Variants in TIMM23B observed in about 807,000 individuals in gnomAD.
The protein encoded by TIMM23B is translocase of inner mitochondrial membrane 23 homolog B.
In TIMM23B, 27 loss-of-function variants were observed where a neutral mutation model predicts 27.3. That is an observed-to-expected ratio of 0.99 (90% CI 0.73 to 1.36). TIMM23B has a LOEUF of 1.36. TIMM23B is among the 40% of genes most tolerant of loss of function. The pLI, the probability that TIMM23B is intolerant of heterozygous loss-of-function variation, is 0.00. For missense variants in TIMM23B, 205 were observed against 244.2 expected (o/e 0.84, Z 1.07); for synonymous variants, 73 against 92.4 (o/e 0.79, Z 1.21).
At chr10:49,967,497 G>A (rs1361205566) in intron 6 of TIMM23B, among the ~76,000 whole-genome samples, 8 of 150,090 alleles carry the variant, frequency 5.3e-5, no homozygotes, top group Non-Finnish European at 8.9e-5. Flanking sequence ...TCAGTGTTTC[G>A]AGTTATTAAG....
At chr10:49,960,249 CTA>C (rs1438058668) in intron 6 of TIMM23B, among the ~76,000 whole-genome samples, 3 of 150,058 alleles carry the variant, frequency 2.0e-5, no homozygotes, top group African/African-American at 7.4e-5. Context: ...TGGGGTCTCA[CTA>C]TGTTGCCCAG....
intron 6 of TIMM23B, among the ~76,000 whole-genome samples, chr10:49,961,568 C>G (rs1839910355): frequency 6.6e-6 from 1 of 151,480 alleles, no homozygotes; most frequent in Non-Finnish European, 1.5e-5. Context: ...TTACTTATCT[C>G]TTCCAGGCAA....
Position 49,952,430 on chromosome 10 carries a change from A to G in TIMM23B, c.260-19A>G. 1 of 1,612,196 alleles carries G rather than the reference A, an allele frequency of 6.2e-7. No homozygotes were observed. Among genetic ancestry groups the G allele is most frequent in the South Asian group, 1.1e-5 (1 of 90,660 alleles). On this transcript the variant is annotated intron_variant, in intron 3 of 6. Coordinates refer to ENST00000651259, the MANE Select transcript of TIMM23B (RefSeq NM_001290117.2). ...AATATAAAGCTGTCTTATCTGGGTG[A>G]ATTTTTATGATTTACCAGGGGCTGC...
At chr10:49,950,603 C>T (rs1344126696) in intron 2 of TIMM23B, among the ~76,000 whole-genome samples, 32 of 145,200 alleles carry the variant, frequency 2.2e-4, no homozygotes, top group Non-Finnish European at 3.0e-4. Context: ...AGTGCAGTGG[C>T]GTGATCTCAG....
intron 2 of TIMM23B, among the ~76,000 whole-genome samples, chr10:49,945,644 A>G (rs1839331523): frequency 6.6e-6 from 1 of 152,174 alleles, no homozygotes; most frequent in Non-Finnish European, 1.5e-5. Flanking sequence ...CTCAGTTTAC[A>G]ATATCAGGGT....
chr10:49,964,519 A>G (rs1366503189), intron 6 of TIMM23B, among the ~76,000 whole-genome samples: 1 of 152,142 alleles, frequency 6.6e-6, no homozygotes, highest in African/African-American at 2.4e-5. Flanking sequence ...GGCGCACTCC[A>G]GCCTGGGCAA....
chr10:49,964,548 C>CGAAAT (rs1262315781), intron 6 of TIMM23B, among the ~76,000 whole-genome samples: 47 of 146,504 alleles, frequency 3.2e-4, no homozygotes, highest in Non-Finnish European at 4.9e-4. Flanking sequence ...GTCTCCGTCT[C>CGAAAT]GAAATGAAAT....
chr10:49,959,631 C>T (rs1303641742), intron 6 of TIMM23B, among the ~76,000 whole-genome samples: 2 of 152,136 alleles, frequency 1.3e-5, no homozygotes, highest in Non-Finnish European at 2.9e-5. Flanking sequence ...AATCCACATA[C>T]TTGATTTTTT....
chr10:49,943,843 ATAAG>A (rs1411869827), intron 1 of TIMM23B, among the ~76,000 whole-genome samples: 19 of 149,550 alleles, frequency 1.3e-4, no homozygotes, highest in African/African-American at 4.7e-4. Flanking sequence ...GCCTTTAGTG[ATAAG>A]TGCTGTAAAG....
At chr10:49,957,631 G>C (rs1392687928) in intron 5 of TIMM23B, among the ~76,000 whole-genome samples, 1 of 152,098 alleles carries the variant, frequency 6.6e-6, no homozygotes. Flanking sequence ...GGCCCTGAGT[G>C]CAGGAGCTTT....
chr10:49,973,180 T>C lies in TIMM23B; in HGVS notation c.*116T>C. 1 of 607,478 alleles carries C rather than the reference T, an allele frequency of 1.6e-6. No homozygotes were observed. Among genetic ancestry groups the C allele is most frequent in the Non-Finnish European group, 2.9e-6 (1 of 343,032 alleles). The allele number at this position is 607,478 out of a possible 1,614,324, so 37.6% of individuals were successfully genotyped here. On this transcript the variant is annotated 3_prime_UTR_variant, in exon 7 of 7. Transcript: ENST00000651259. ...CTGACATTTTAACCACCTCTGACTT[T>C]TCCATGGAATGGACAAGTAGTAGTC...
chr10:49,951,260 G>C (rs1338935806), intron 2 of TIMM23B, among the ~76,000 whole-genome samples: 9 of 152,160 alleles, frequency 5.9e-5, no homozygotes, highest in Non-Finnish European at 1.3e-4. Context: ...GGATGTAGGA[G>C]AATGTTAATT....
At chr10:49,963,682 A>T (rs1840003587) in intron 6 of TIMM23B, among the ~76,000 whole-genome samples, 1 of 152,002 alleles carries the variant, frequency 6.6e-6, no homozygotes, top group South Asian at 2.1e-4. Flanking sequence ...TGAAATACGA[A>T]ATACTGGGTG....
rs1452661748 is a variant in TIMM23B at position 49,967,015 on chromosome 10, G to C, written c.515-5997G>C. ...GCTCACTGCCACCTCTGCTTCCTGG[G>C]TTCAAGTGATGCTCCCATCTCAACC... On this transcript the variant is annotated intron_variant, in intron 6 of 6. Coordinates refer to ENST00000651259, the MANE Select transcript of TIMM23B (RefSeq NM_001290117.2). Among the ~76,000 whole-genome samples the C allele has an allele frequency of 2.0e-5, 3 of 151,924 alleles. No individual in the cohort carries two copies. The East Asian group carries it at 5.8e-4, about 29-fold the overall frequency.
At chr10:49,968,908 A>AT (rs1840290925) in intron 6 of TIMM23B, among the ~76,000 whole-genome samples, 2 of 152,220 alleles carry the variant, frequency 1.3e-5, no homozygotes, top group African/African-American at 4.8e-5. Context: ...AGGTCCGCCT[A>AT]ATACCTTGCT....
At chr10:49,957,887 GC>G (rs1190168194) in intron 5 of TIMM23B, among the ~76,000 whole-genome samples, 98 of 152,322 alleles carry the variant, frequency 6.4e-4, no homozygotes, top group Non-Finnish European at 7.5e-4. Flanking sequence ...AGGCCTGCCT[GC>G]CCAGATTCTC....
rs1432488251 is a variant in TIMM23B at position 49,953,324 on chromosome 10, T to C, written c.344+791T>C. ...CACCAGATGTGCTAGAATTAGACCATGGGAAACTGGAAGGCCTGTTAAATT... is the reference window on the plus strand; with the variant it reads ...CACCAGATGTGCTAGAATTAGACCACGGGAAACTGGAAGGCCTGTTAAATT... On this transcript the variant is annotated intron_variant, in intron 4 of 6. Transcript: ENST00000651259. Among the ~76,000 whole-genome samples the C allele has an allele frequency of 4.6e-5, 7 of 152,302 alleles. No individual in the cohort carries two copies. The East Asian group carries it at 1.4e-3, about 29-fold the overall frequency.
chr10:49,942,214 G>C lies in TIMM23B; in HGVS notation c.20G>C (p.Ser7Thr). The C allele has an allele frequency of 6.2e-7, 1 of 1,609,652 alleles. No homozygotes were observed. Residue 7 changes from serine to threonine, a missense_variant, in exon 1 of 7, where the codon AGC becomes ACC. By Grantham distance (58) the Ser-to-Thr change is moderately conservative. Transcript: ENST00000651259. MEGGGG[S>T]GDKTTGVLAG... ...GATACCATGGAAGGAGGCGGGGGAA[G>C]CGGCGACAAAACCACAGGGGTATTG...
At chr10:49,955,486 T>A (rs1839684002) in intron 5 of TIMM23B, among the ~76,000 whole-genome samples, 1 of 152,222 alleles carries the variant, frequency 6.6e-6, no homozygotes, top group African/African-American at 2.4e-5. Context: ...TTTACCTGAG[T>A]AGATTTCAGG....
Sources: allele counts gnomAD v4.1 joint callset (sites outside exome capture counted in the v4.1 genomes callset), GRCh38; gene constraint gnomAD v4.1.1; transcripts MANE v1.5; gene names NCBI Gene and HGNC (gene_info 2026-07-23, HGNC 2026-07-21).